STK35: variants seen among roughly 807,000 people sequenced by gnomAD.
STK35 encodes serine/threonine kinase 35, also known as serine/threonine-protein kinase 35.
A neutral mutation model predicts 37.3 loss-of-function variants in STK35; 17 were observed. The ratio of observed to expected loss-of-function variants is 0.46; its 90% CI spans 0.31 to 0.68. The LOEUF (loss-of-function observed/expected upper bound fraction) is 0.68, where lower values mean the gene tolerates loss of function less well. Ranked by LOEUF, STK35 falls within the 30% of genes least tolerant of loss-of-function variation. STK35 has a pLI of 0.05. For missense variants in STK35, 595 were observed against 746.7 expected, an observed-to-expected ratio of 0.80 and a Z score of 2.37; for synonymous variants, 385 against 319.1, an observed-to-expected ratio of 1.21 and a Z score of -2.20.
rs1390369289 is a variant in STK35, at chr20:2,146,376, T to TG, written c.*2631dup. The TG allele has an allele frequency of 2.0e-5, 3 of 153,474 alleles. No homozygotes were observed. The allele number at this position is 153,474 out of a possible 1,614,324, so 9.5% of individuals were successfully genotyped here. On this transcript the variant is annotated 3_prime_UTR_variant, in exon 4 of 4. Transcript: ENST00000381482. Reference sequence around the variant, plus strand: ...TCTCAGGCTGCCAGCAGCTCTCTGGTGCATCGTCTCAACACCACCAAGTTT... The same window carrying TG: ...TCTCAGGCTGCCAGCAGCTCTCTGGTGGCATCGTCTCAACACCACCAAGTTT...
chr20:2,135,002 C>T (rs1376652503), intron 3 of STK35, among the ~76,000 whole-genome samples: 2 of 152,160 alleles, frequency 1.3e-5, no homozygotes, highest in African/African-American at 4.8e-5. Context: ...GTTAAGAACC[C>T]CTGTGCTGGC....
At chr20:2,123,647 AAAATGGAAAAG>A (rs1211965533) in intron 3 of STK35, among the ~76,000 whole-genome samples, 1 of 152,238 alleles carries the variant, frequency 6.6e-6, no homozygotes, top group Non-Finnish European at 1.5e-5. Flanking sequence ...GTGATACTAA[AAAATGGAAAAG>A]AAATGCGTAA....
intron 3 of STK35, among the ~76,000 whole-genome samples, chr20:2,118,495 T>C (rs911067402): frequency 1.3e-5 from 2 of 151,864 alleles, no homozygotes; most frequent in Non-Finnish European, 2.9e-5. Flanking sequence ...GGCAGGAGAA[T>C]GGTGTGAACC....
chr20:2,123,935 C>T (rs368247439), intron 3 of STK35, among the ~76,000 whole-genome samples: 8 of 152,264 alleles, frequency 5.3e-5, no homozygotes, highest in African/African-American at 1.4e-4. Context: ...ATGACCAAAA[C>T]GGCAGTGATT....
At chr20:2,114,410 C>T (rs1204515841) in intron 2 of STK35, among the ~76,000 whole-genome samples, 11 of 152,184 alleles carry the variant, frequency 7.2e-5, no homozygotes, top group Non-Finnish European at 1.6e-4. Context: ...CACCTCTGCA[C>T]TCCAGCCTGG....
intron 3 of STK35, among the ~76,000 whole-genome samples, chr20:2,131,157 A>G (rs541116719): frequency 1.3e-5 from 2 of 152,344 alleles, no homozygotes; most frequent in Admixed American, 1.3e-4. Context: ...ATAGCCTCCT[A>G]TACACCTAGG....
At chr20:2,110,213 A>G (rs1325454470) in intron 2 of STK35, among the ~76,000 whole-genome samples, 3 of 152,226 alleles carry the variant, frequency 2.0e-5, no homozygotes, top group African/African-American at 7.2e-5. Flanking sequence ...TTTAATGTAC[A>G]ACTCCTAATT....
At position 2,117,209 on chromosome 20, in the gene STK35, C is replaced by T. The variant is rs1207255359; in HGVS notation, c.1436C>T (p.Ala479Val). Residue 479 changes from alanine to valine, a missense_variant, in exon 3 of 4, where the codon GCG (alanine) becomes GTG (valine). Transcript: ENST00000381482. The surrounding 1 kb of genome is among the most constrained non-coding windows in gnomAD (Gnocchi z 4.4). ...ACTGAGATCGTCCCTGTTGGTGAGG[C>T]GCTGCTAGAAAACCCAAAGATGGAG... ...QGTEIVPVGE[A>V]LLENPKMELH... 2 of 1,614,074 alleles carry T rather than the reference C, an allele frequency of 1.2e-6. No homozygotes were observed. The highest frequency in any genetic ancestry group is 1.1e-5 in the South Asian group (1 of 91,078).
intron 2 of STK35, among the ~76,000 whole-genome samples, chr20:2,105,763 A>C (rs537187656): frequency 3.9e-5 from 6 of 152,296 alleles, no homozygotes; most frequent in Admixed American, 2.0e-4. Context: ...TTCAAGATTC[A>C]CATTGTTCTT....
At chr20:2,102,197 T>A (rs972207851) in intron 1 of STK35, 22 bp downstream of exon 1, 1 of 1,369,006 alleles carries the variant, frequency 7.3e-7, no homozygotes, top group East Asian at 3.0e-5. Flanking sequence ...GTTGGAGGAC[T>A]GAAGGCCAGC....
Position 2,116,995 on chromosome 20 carries a change from A to T in STK35, c.1222A>T (p.Asn408Tyr), listed in dbSNP as rs1985728513. 1.2e-6 allele frequency: 2 copies of T among 1,614,218 alleles called. No individual in the cohort carries two copies. The highest frequency in any genetic ancestry group is 1.3e-5 in the African/African-American group (1 of 75,050). The stretch of plus-strand genomic sequence containing the variant: ...TCAAGACAACAAAAATGTGAATGTG[A>T]ATAAGTACTGGCTGTCCTCAGCCTG... ...GNQDNKNVNVNKYWLSSACGS... is the reference protein window; with the variant it reads ...GNQDNKNVNVYKYWLSSACGS... The change falls in exon 3 of 4, where the codon AAT (asparagine) becomes TAT (tyrosine). Residue 408 changes from asparagine to tyrosine, a missense_variant. Asn to Tyr is a moderately radical substitution (Grantham distance 143). This residue lies in a region of STK35 where 109 missense variants were observed against 280.3 expected (regional missense o/e 0.39). Transcript: ENST00000381482.
At chr20:2,125,593 G>A (rs1188360819) in intron 3 of STK35, among the ~76,000 whole-genome samples, 3 of 152,236 alleles carry the variant, frequency 2.0e-5, no homozygotes, top group South Asian at 4.1e-4. Flanking sequence ...CAGTAAAGCA[G>A]CCAGGGCTGC....
rs1416814990 is a variant in STK35 at position 2,145,916 on chromosome 20, T to A, written c.*2170T>A. The A allele has an allele frequency of 6.6e-6, 1 of 152,048 alleles. No homozygotes were observed. The highest frequency in any genetic ancestry group is 1.5e-5 in the Non-Finnish European group (1 of 67,998). 9.4% of individuals were successfully genotyped at this position (152,048 alleles called of 1,614,324 possible). On this transcript the variant is annotated 3_prime_UTR_variant, in exon 4 of 4. Coordinates refer to ENST00000381482, the MANE Select transcript of STK35 (RefSeq NM_080836.4). ...CCAGCCTAATGAGCCCCTTATTTTC[T>A]TTTTTTTCCCTCCCCAGGTCTAGTA... is the stretch of plus-strand genomic sequence containing the variant.
chr20:2,122,462 A>T (rs1379488224), intron 3 of STK35, among the ~76,000 whole-genome samples: 2 of 152,202 alleles, frequency 1.3e-5, no homozygotes, highest in African/African-American at 2.4e-5. Context: ...AACTAGTTTC[A>T]GTTTTTTTGC....
At position 2,147,514 on chromosome 20, in the gene STK35, G is replaced by GAAACTTAGAAAAGCAGGAGTCA. The variant is rs1270971571; in HGVS notation, c.*3769_*3790dup. 10 of 152,248 alleles carry GAAACTTAGAAAAGCAGGAGTCA rather than the reference G, an allele frequency of 6.6e-5. No homozygotes were observed. The highest frequency in any genetic ancestry group is 2.2e-4 in the African/African-American group (9 of 41,430). 9.4% of individuals were successfully genotyped at this position (152,248 alleles called of 1,614,324 possible). On this transcript the variant is annotated 3_prime_UTR_variant, in exon 4 of 4. Coordinates refer to ENST00000381482, the MANE Select transcript of STK35 (RefSeq NM_080836.4). ...GGTTTTAGCCTTGGGGTATCTTTTG[G>GAAACTTAGAAAAGCAGGAGTCA]AAACTTAGAAAAGCAGGAGTCAGGC...
At chr20:2,104,977 A>T (rs983790056) in intron 2 of STK35, among the ~76,000 whole-genome samples, 1 of 150,752 alleles carries the variant, frequency 6.6e-6, no homozygotes, top group African/African-American at 2.4e-5. Flanking sequence ...ACAAAGTGAG[A>T]CCCTGGTCTC....
At chr20:2,126,688 A>G (rs1985912211) in intron 3 of STK35, among the ~76,000 whole-genome samples, 1 of 152,120 alleles carries the variant, frequency 6.6e-6, no homozygotes, top group Non-Finnish European at 1.5e-5. Context: ...GGAAATGGAG[A>G]TCTCCTCCAG....
chr20:2,102,723 C>G (rs1259786245), intron 1 of STK35, 45 bp from the exon 2 acceptor site: 2 of 1,361,072 alleles, frequency 1.5e-6, no homozygotes, highest in Non-Finnish European at 1.9e-6. Flanking sequence ...CGCTCCTGGC[C>G]TCCCCGCCTT....
chr20:2,110,748 T>C (rs1985601182), intron 2 of STK35, among the ~76,000 whole-genome samples: 1 of 152,210 alleles, frequency 6.6e-6, no homozygotes, highest in Non-Finnish European at 1.5e-5. Flanking sequence ...CAGATCTGCA[T>C]GTTGTGTGGT....
Sources: gnomAD v4.1 joint callset for allele counts (sites outside exome capture counted in the v4.1 genomes callset) on GRCh38, gnomAD v4.1.1 for gene constraint, gnomAD v4.1.1 regional missense constraint, Gnocchi (gnomAD v3.1) non-coding constraint, MANE v1.5 for transcripts, NCBI Gene and HGNC (gene_info 2026-07-23, HGNC 2026-07-21) for gene names.